Variants in SLC24A1 observed in about 807,000 individuals in gnomAD.
SLC24A1 encodes sodium/potassium/calcium exchanger 1.
In SLC24A1, 52 loss-of-function variants were observed where a neutral mutation model predicts 88.1. That is an observed-to-expected ratio of 0.59 (90% confidence interval 0.47 to 0.74). The LOEUF (loss-of-function observed/expected upper bound fraction) is 0.74. Among genes scored for constraint, SLC24A1 ranks in the 30% least tolerant of loss-of-function variants. The probability of loss-of-function intolerance (pLI) is 0.00; values close to 1 mark genes in which losing one functional copy is unlikely to be tolerated. For synonymous variants in SLC24A1, 455 were observed against 498.0 expected (o/e 0.91, Z 1.15); for missense variants, 1,173 against 1,363.3 (o/e 0.86, Z 2.20).
intron 2 of SLC24A1, among the ~76,000 whole-genome samples, chr15:65,635,101 A>G (rs2074870812): frequency 2.6e-5 from 4 of 152,194 alleles, no homozygotes; most frequent in Admixed American, 1.3e-4. Context: ...GGTGTGCACC[A>G]TGGGGCAAAG....
At chr15:65,645,524 C>G (rs2075274031) in intron 5 of SLC24A1, 88 bp from the exon 6 acceptor site, 1 of 959,466 alleles carries the variant, frequency 1.0e-6, no homozygotes, top group African/African-American at 1.6e-5. Context: ...AGTCCAATAG[C>G]CCTGTAGCCA....
chr15:65,647,298 T>G (rs1309125408), intron 6 of SLC24A1, among the ~76,000 whole-genome samples: 3 of 151,490 alleles, frequency 2.0e-5, no homozygotes, highest in African/African-American at 4.9e-5. Context: ...GCCAACATGG[T>G]GAAACCCCAT....
At chr15:65,620,178 T>C (rs554912561), upstream of SLC24A1, among the ~76,000 whole-genome samples, 1 of 152,104 alleles carries the variant, frequency 6.6e-6, no homozygotes, top group African/African-American at 2.4e-5. Flanking sequence ...GCTCTGGGGA[T>C]TCAGTGGTGA....
chr15:65,638,842 G>A (rs182102489), intron 3 of SLC24A1, among the ~76,000 whole-genome samples: 1 of 152,290 alleles, frequency 6.6e-6, no homozygotes, highest in East Asian at 1.9e-4. Flanking sequence ...GAAGAGAAGG[G>A]AGGGAGGACT....
At chr15:65,648,799 C>T (rs1223034338) in intron 6 of SLC24A1, among the ~76,000 whole-genome samples, 1 of 151,752 alleles carries the variant, frequency 6.6e-6, no homozygotes, top group African/African-American at 2.4e-5. Context: ...CGTGCCCAGC[C>T]TATCTCTTAA....
intron 9 of SLC24A1, among the ~76,000 whole-genome samples, chr15:65,653,357 T>C (rs532094396): frequency 1.3e-5 from 2 of 152,264 alleles, no homozygotes; most frequent in African/African-American, 4.8e-5. Context: ...TTTGAATTTG[T>C]GTATGTGTAT....
chr15:65,650,907 C>G lies in SLC24A1; in HGVS notation c.2758C>G (p.Pro920Ala), dbSNP rs747483537. 5.0e-6 allele frequency: 8 copies of G among 1,613,854 alleles called. No homozygotes were observed. Among genetic ancestry groups the G allele is most frequent in the South Asian group, 1.1e-5 (1 of 91,078 alleles). Residue 920 changes from proline (P) to alanine (A), a missense_variant, in exon 7 of 10, where the codon CCA (proline) becomes GCA (alanine). Pro to Ala is a conservative substitution (Grantham distance 27). Coordinates refer to ENST00000261892, the MANE Select transcript of SLC24A1 (RefSeq NM_004727.3). The surrounding 1 kb of genome is among the most constrained non-coding windows in gnomAD (Gnocchi z 4.1). ...CCTCTTCCTTCTGCCCATCGTGTTC[C>G]CACTGTGGCTGACAGTCCCCGACGT... ...IYLFLLPIVF[P>A]LWLTVPDVRR...
intron 2 of SLC24A1, among the ~76,000 whole-genome samples, chr15:65,628,027 CAT>C (rs563322060): frequency 2.5e-4 from 38 of 152,202 alleles, no homozygotes; most frequent in Admixed American, 9.8e-4. Flanking sequence ...CTGGTGCACT[CAT>C]AGCTCACTGC....
intron 5 of SLC24A1, among the ~76,000 whole-genome samples, chr15:65,645,106 T>C (rs2075261613): frequency 6.6e-6 from 1 of 152,214 alleles, no homozygotes; most frequent in African/African-American, 2.4e-5. Context: ...TCCCATCCTA[T>C]AGACAAGAGT....
At chr15:65,639,806 G>A (rs1435710241) in intron 4 of SLC24A1, 103 bp downstream of exon 4, 2 of 773,640 alleles carry the variant, frequency 2.6e-6, no homozygotes, top group African/African-American at 3.4e-5. Flanking sequence ...GCAGTGAGGA[G>A]GGAGTGGGAA....
chr15:65,642,438 G>A (rs2075160964), intron 4 of SLC24A1, among the ~76,000 whole-genome samples: 1 of 152,162 alleles, frequency 6.6e-6, no homozygotes, highest in African/African-American at 2.4e-5. Context: ...CAGTAACATG[G>A]GAAGTGAGAG....
rs768415253 is a variant in SLC24A1, at chr15:65,650,479, C to G, written c.2330C>G (p.Thr777Ser). The G allele has an allele frequency of 1.3e-6, 2 of 1,551,506 alleles. No homozygotes were observed. The highest frequency in any genetic ancestry group is 1.2e-5 in the South Asian group (1 of 84,050). ...GETEEKSGGE[T>S]QPEGEGETET... ...ACTGAAGAGAAAAGTGGAGGTGAAA[C>G]TCAACCAGAAGGTGAAGGTGAAACT... Residue 777 changes from threonine to serine, a missense_variant, in exon 7 of 10, where the codon ACT becomes AGT. Thr to Ser is a moderately conservative substitution (Grantham distance 58). Coordinates refer to ENST00000261892, the MANE Select transcript of SLC24A1 (RefSeq NM_004727.3). The surrounding 1 kb of genome is among the most constrained non-coding windows in gnomAD (Gnocchi z 4.1).
rs368902751 is a variant in SLC24A1 at position 65,625,246 on chromosome 15, T to A, written c.1166T>A (p.Met389Lys). ...TTPTVRAKLTMQVHHCVVVKP... is the reference protein window; with the variant it reads ...TTPTVRAKLTKQVHHCVVVKP... ...CCTACGGTCAGGGCAAAGCTGACCATGCAGGTCCATCACTGTGTGGTTGTG... is the reference window on the plus strand; with the variant it reads ...CCTACGGTCAGGGCAAAGCTGACCAAGCAGGTCCATCACTGTGTGGTTGTG... Residue 389 changes from methionine (M) to lysine (K), a missense_variant, in exon 2 of 10, where the codon ATG (methionine) becomes AAG (lysine). Transcript: ENST00000261892. 59 of 1,613,828 alleles carry A rather than the reference T, an allele frequency of 3.7e-5. No homozygotes were observed. Among genetic ancestry groups the A allele is most frequent in the Admixed American group, 2.2e-4 (13 of 60,008 alleles).
intron 2 of SLC24A1, among the ~76,000 whole-genome samples, chr15:65,629,244 G>A (rs771743350): frequency 5.3e-5 from 8 of 152,088 alleles, no homozygotes; most frequent in Non-Finnish European, 8.8e-5. Context: ...TCACTTTACC[G>A]TTTATTCTGC....
rs367901309 is a variant in SLC24A1, at chr15:65,645,643, G to A, written c.2172G>A (p.Thr724=). 40 of 1,577,782 alleles carry A rather than the reference G, an allele frequency of 2.5e-5. 1 individual carries two copies. Among genetic ancestry groups the A allele is most frequent in the Admixed American group, 1.3e-4 (7 of 54,670 alleles). Residue 724 remains threonine, a synonymous_variant, in exon 6 of 10, where the codon ACG becomes ACA. Transcript: ENST00000261892. ...EEEPAKLPAV[T]VTPAPVPDIK... is the part of the protein sequence containing the mutation. ...AGCCAGCCAAGCTCCCTGCGGTCAC[G>A]GTCACACCAGCCCCTGTTCCAGACA... is the stretch of plus-strand genomic sequence containing the variant.
chr15:65,611,521 TC>T, exon 1 of SLC24A1: 1 of 341,774 alleles, frequency 2.9e-6, no homozygotes, highest in Admixed American at 4.1e-5. Context: ...GTCCCCTCAC[TC>T]CCCTGGGCCC....
At position 65,645,665 on chromosome 15, in the gene SLC24A1, G is replaced by C. The variant is rs1408390175; in HGVS notation, c.2194G>C (p.Asp732His). The C allele has an allele frequency of 2.5e-6, 4 of 1,580,358 alleles. No individual in the cohort carries two copies. In the African/African-American group the frequency reaches 5.4e-5, roughly 21 times the overall value. Residue 732 changes from aspartate to histidine, a missense_variant, in exon 6 of 10, where the codon GAC (aspartate) becomes CAC (histidine). Transcript: ENST00000261892. ...CACGGTCACACCAGCCCCTGTTCCA[G>C]ACATCAAGGGAGATCAGAAGGAGAA... ...AVTVTPAPVP[D>H]IKGDQKENPG...
rs2141468118 is a variant in SLC24A1, at chr15:65,625,303, C to T, written c.1223C>T (p.Ser408Phe). Residue 408 changes from serine to phenylalanine, a missense_variant, in exon 2 of 10, where the codon TCC becomes TTC. Transcript: ENST00000261892. ...ACCCCAGCCATGCTCACCACTCCCT[C>T]CCCAAGCCTCACAACAGCCCTGCTC... ...KPTPAMLTTP[S>F]PSLTTALLPE... 6.2e-7 allele frequency: 1 copy of T among 1,614,020 alleles called. No individual in the cohort carries two copies. Among genetic ancestry groups the T allele is most frequent in the Admixed American group, 1.7e-5 (1 of 60,024 alleles).
intron 2 of SLC24A1, among the ~76,000 whole-genome samples, chr15:65,634,988 G>C (rs1472051791): frequency 6.6e-6 from 1 of 152,062 alleles, no homozygotes; most frequent in Non-Finnish European, 1.5e-5. Flanking sequence ...GATATGAAAG[G>C]CTTCAGAAAG....
Sources: gnomAD v4.1 joint callset for allele counts (sites outside exome capture counted in the v4.1 genomes callset) on GRCh38, gnomAD v4.1.1 for gene constraint, Gnocchi (gnomAD v3.1) non-coding constraint, MANE v1.5 for transcripts, NCBI Gene and HGNC (gene_info 2026-07-23, HGNC 2026-07-21) for gene names.